Variants in WDR18 observed in about 807,000 individuals in gnomAD.
WDR18 encodes WD repeat domain 18, also known as WD repeat-containing protein 18.
In WDR18, 33 loss-of-function variants were observed where a neutral mutation model predicts 49.6. That is an observed-to-expected ratio of 0.67 (90% CI 0.50 to 0.89). The LOEUF is 0.89. Among genes scored for constraint, WDR18 ranks in the 40% least tolerant of loss-of-function variants. The pLI is 0.00. For missense variants in WDR18, 653 were observed against 593.6 expected, an observed-to-expected ratio of 1.10 and a Z score of -1.04; for synonymous variants, 315 against 263.6, an observed-to-expected ratio of 1.19 and a Z score of -1.89.
intron 1 of WDR18, 102 bp downstream of exon 1, chr19:984,665 T>G: frequency 1.7e-6 from 2 of 1,204,410 alleles, no homozygotes; most frequent in East Asian, 6.3e-5. Flanking sequence ...GGAATTGGCG[T>G]GGGGAGGGGA....
chr19:988,216 A>AC (rs2038497167), intron 2 of WDR18, among the ~76,000 whole-genome samples: 1 of 151,164 alleles, frequency 6.6e-6, no homozygotes, highest in Non-Finnish European at 1.5e-5. Context: ...CCTCCACTGT[A>AC]CCCCCCTGCC....
At chr19:989,020 C>A (rs3815159) in intron 2 of WDR18, among the ~76,000 whole-genome samples, 1 of 103,370 alleles carries the variant, frequency 9.7e-6, no homozygotes, top group Non-Finnish European at 2.1e-5. Flanking sequence ...GAATCCACAA[C>A]CCCCCACAGA....
At chr19:987,176 CT>C (rs2038484051) in intron 2 of WDR18, among the ~76,000 whole-genome samples, 1 of 152,174 alleles carries the variant, frequency 6.6e-6, no homozygotes. Flanking sequence ...AAACCCATGT[CT>C]GCAAAAAATA....
Position 991,209 on chromosome 19 carries a change from C to G in WDR18, c.807-18C>G. On this transcript the variant is annotated intron_variant, in intron 6 of 9. Coordinates refer to ENST00000585809, the MANE Select transcript of WDR18 (RefSeq NM_024100.4). ...TCCTGTCTGGCACGTCCCAGGTGAC[C>G]CCTGTCTGTCTGTCCAGGAACCAGG... is the stretch of plus-strand genomic sequence containing the variant. 1 of 1,549,460 alleles carries G rather than the reference C, an allele frequency of 6.5e-7. No homozygotes were observed. The highest frequency in any genetic ancestry group is 8.7e-7 in the Non-Finnish European group (1 of 1,145,064).
At chr19:994,152 G>C (rs535437336) in intron 9 of WDR18, 61 bp from the exon 10 acceptor site, 1 of 1,550,174 alleles carries the variant, frequency 6.5e-7, no homozygotes, top group East Asian at 2.4e-5. Context: ...GTGGGGGTGA[G>C]TGGCCCCCCT....
chr19:983,256 A>ACC (rs79808764), upstream of WDR18, among the ~76,000 whole-genome samples: 3 of 151,786 alleles, frequency 2.0e-5, no homozygotes, highest in East Asian at 1.9e-4. Flanking sequence ...ACACAGTGAG[A>ACC]CCCCCCATCT....
In WDR18 at chr19:985,937, G is replaced by A. The variant is rs761796670; in HGVS notation, c.283G>A (p.Val95Ile). The change falls in exon 2 of 10, where the codon GTC becomes ATC. Residue 95 changes from valine to isoleucine, a missense_variant. Physicochemically the swap from Val to Ile is conservative, Grantham distance 29 (BLOSUM62 3). Transcript: ENST00000585809. The part of the protein sequence containing the change: ...CLTASPNGLY[V>I]LAGVAESIHL... ...GACTGCATCACCCAATGGTCTCTAC[G>A]TCCTGGCAGGAGTTGCAGAAAGCAT... 8.7e-6 allele frequency: 14 copies of A among 1,613,734 alleles called. No homozygotes were observed. The highest frequency in any genetic ancestry group is 4.4e-5 in the South Asian group (4 of 91,096).
Position 994,389 on chromosome 19 carries a change from C to A in WDR18, c.*45C>A, listed in dbSNP as rs777618026. On this transcript the variant is annotated 3_prime_UTR_variant, in exon 10 of 10. Transcript: ENST00000585809. The stretch of plus-strand genomic sequence containing the variant: ...GAGGCGCCCAGGCCTGAGCCCCATG[C>A]CTCCCAGCAACCAGGGCCCGCGGGT... The A allele has an allele frequency of 1.3e-6, 2 of 1,568,708 alleles. No homozygotes were observed. Among genetic ancestry groups the A allele is most frequent in the East Asian group, 2.3e-5 (1 of 42,654 alleles).
chr19:991,818 CCTGGCTGGGGGCGTGGA>C (rs1170766908), intron 7 of WDR18, 120 bp from the exon 8 acceptor site: 5 of 943,060 alleles, frequency 5.3e-6, no homozygotes, highest in Admixed American at 9.7e-5. Flanking sequence ...TGGGGCGGGG[CCTGGCTGGGGGCGTGGA>C]CTGGCTGTGG....
Position 993,785 on chromosome 19 carries a change from C to T in WDR18, c.1099-235C>T, listed in dbSNP as rs28490385. On this transcript the variant is annotated intron_variant, in intron 8 of 9. Coordinates refer to ENST00000585809, the MANE Select transcript of WDR18 (RefSeq NM_024100.4). ...CCCCATCCCCAGCCACATCCTTGGGCGCAGTCGTGGAGGATCTGAGGCGCT... is the reference window on the plus strand; with the variant it reads ...CCCCATCCCCAGCCACATCCTTGGGTGCAGTCGTGGAGGATCTGAGGCGCT... Among the ~76,000 whole-genome samples the T allele has an allele frequency of 1.2e-3, 183 of 152,322 alleles. 1 individual carries two copies. The highest frequency in any genetic ancestry group is 4.0e-3 in the African/African-American group (168 of 41,570).
At chr19:985,806 C>G in intron 1 of WDR18, 59 bp from the exon 2 acceptor site, 1 of 1,554,178 alleles carries the variant, frequency 6.4e-7, no homozygotes, top group Non-Finnish European at 8.9e-7. Context: ...TCGCCCTCCA[C>G]TGCTGTAGTA....
intron 8 of WDR18, 114 bp downstream of exon 8, chr19:992,235 C>T (rs1252468873): frequency 7.7e-6 from 10 of 1,297,674 alleles, no homozygotes; most frequent in African/African-American, 1.6e-5. Context: ...CCCACAAGCC[C>T]GGCACTGGAG....
At position 990,216 on chromosome 19, in the gene WDR18, C is replaced by A. The variant is rs759366768; in HGVS notation, c.456-7C>A. 1 of 1,595,220 alleles carries A rather than the reference C, an allele frequency of 6.3e-7. No homozygotes were observed. Among genetic ancestry groups the A allele is most frequent in the Non-Finnish European group, 8.5e-7 (1 of 1,177,762 alleles). On this transcript the variant is annotated splice_polypyrimidine_tract_variant and splice_region_variant and intron_variant, in intron 3 of 9. Coordinates refer to ENST00000585809, the MANE Select transcript of WDR18 (RefSeq NM_024100.4). ...CGCCTGCTGAGCACCTGCCCCACCC[C>A]GCTCAGCGTGCTGCAGGCCGACCCC... is the stretch of plus-strand genomic sequence containing the variant.
rs899911352 is a variant in WDR18, at chr19:994,461, T to C, written c.*117T>C. 9.2e-6 allele frequency: 13 copies of C among 1,415,036 alleles called. No homozygotes were observed. Among genetic ancestry groups the C allele is most frequent in the African/African-American group, 1.4e-5 (1 of 69,698 alleles). 87.7% of individuals were successfully genotyped at this position (1,415,036 alleles called of 1,614,324 possible). Reference sequence around the variant, plus strand: ...CTGGACTCTCCTCAGTTCTGTGTCGTGTTCGGGTTTTTCCTCTGTGACTGG... The same window carrying C: ...CTGGACTCTCCTCAGTTCTGTGTCGCGTTCGGGTTTTTCCTCTGTGACTGG... On this transcript the variant is annotated 3_prime_UTR_variant, in exon 10 of 10. Transcript: ENST00000585809.
chr19:989,010 G>A (rs1409751541), intron 2 of WDR18, among the ~76,000 whole-genome samples: 4 of 141,232 alleles, frequency 2.8e-5, no homozygotes, highest in African/African-American at 5.4e-5. Flanking sequence ...CTCAGCTCTC[G>A]AATCCACAAC....
Position 994,215 on chromosome 19 carries a change from C to T in WDR18, c.1170C>T (p.Ser390=), listed in dbSNP as rs765924520. 1.3e-5 allele frequency: 20 copies of T among 1,599,952 alleles called. No homozygotes were observed. Among genetic ancestry groups the T allele is most frequent in the East Asian group, 2.3e-5 (1 of 44,414 alleles). The change falls in exon 10 of 10, where the codon AGC becomes AGT. Residue 390 remains serine, a splice_region_variant and synonymous_variant. Transcript: ENST00000585809. ...QAVLCSTMEK[S]VLGGQDQLRV... is the part of the protein sequence containing the mutation. ...TCTGACCCCGACTTCTCCCGCAGAG[C>T]GTGCTCGGCGGCCAGGACCAGCTGC...
At position 994,028 on chromosome 19, in the gene WDR18, GC is replaced by G. The variant is rs2038596440; in HGVS notation, c.1110del (p.Ser371AlafsTer32). On this transcript the variant is annotated frameshift_variant, in exon 9 of 10. Coordinates refer to ENST00000585809, the MANE Select transcript of WDR18 (RefSeq NM_024100.4). LOFTEE classifies it high-confidence loss of function. ...RLGLHQQGSE[P>X]SYLDRTEQLQ... ...GGCTCCCTGTGTTACAGGGCTCGGA[GC>G]CCAGCTACCTGGACCGCACGGAGCA... The G allele has an allele frequency of 1.3e-6, 2 of 1,555,638 alleles. No homozygotes were observed. Among genetic ancestry groups the G allele is most frequent in the Non-Finnish European group, 8.7e-7 (1 of 1,150,646 alleles).
chr19:992,919 A>G (rs2038578708), intron 8 of WDR18, among the ~76,000 whole-genome samples: 1 of 152,178 alleles, frequency 6.6e-6, no homozygotes, highest in African/African-American at 2.4e-5. Context: ...ACCTGAGTAC[A>G]GATTGATTTT....
upstream of WDR18, among the ~76,000 whole-genome samples, chr19:983,560 C>G (rs868225479): frequency 6.9e-6 from 1 of 145,050 alleles, no homozygotes; most frequent in Admixed American, 6.7e-5. Flanking sequence ...AAGCGCCCGG[C>G]CTTTTTTTTT....
Sources: allele counts gnomAD v4.1 joint callset (sites outside exome capture counted in the v4.1 genomes callset), GRCh38; gene constraint gnomAD v4.1.1; transcripts MANE v1.5; gene names NCBI Gene and HGNC (gene_info 2026-07-23, HGNC 2026-07-21).